Variants in ARHGAP35 observed in about 807,000 individuals in gnomAD.
The protein encoded by ARHGAP35 is Rho GTPase activating protein 35, also known as rho GTPase-activating protein 35.
A neutral mutation model predicts 111.1 loss-of-function variants in ARHGAP35; 15 were observed. The ratio of observed to expected loss-of-function variants is 0.13; its 90% confidence interval spans 0.09 to 0.21. ARHGAP35 has a LOEUF of 0.21. Among genes scored for constraint, ARHGAP35 ranks in the 10% least tolerant of loss-of-function variants. The probability of loss-of-function intolerance (pLI) is 1.00; values close to 1 mark genes in which losing one functional copy is unlikely to be tolerated. For synonymous variants in ARHGAP35, 643 were observed against 710.3 expected, an observed-to-expected ratio of 0.91 and a Z score of 1.51; for missense variants, 1,262 against 1,873.0, an observed-to-expected ratio of 0.67 and a Z score of 6.02.
chr19:46,987,902 CT>C, intron 3 of ARHGAP35, 86 bp from the exon 4 acceptor site: 1 of 1,361,712 alleles, frequency 7.3e-7, no homozygotes, highest in South Asian at 1.3e-5. Flanking sequence ...TGGACTTTCC[CT>C]GGCTTTCTCC....
At chr19:46,998,149 C>A (rs1166022710) in intron 5 of ARHGAP35, among the ~76,000 whole-genome samples, 1 of 152,034 alleles carries the variant, frequency 6.6e-6, no homozygotes, top group Non-Finnish European at 1.5e-5. Flanking sequence ...TTCAGGGAGT[C>A]CGCACCCCTC....
At chr19:46,862,725 A>G (rs1204394667) in intron 1 of ARHGAP35, among the ~76,000 whole-genome samples, 1 of 151,834 alleles carries the variant, frequency 6.6e-6, no homozygotes, top group Non-Finnish European at 1.5e-5. Flanking sequence ...GCGGTCCTTT[A>G]ACACTGGGGT....
In ARHGAP35 at chr19:46,934,072, C is replaced by T. The variant is rs115288693; in HGVS notation, c.3682-3192C>T. On this transcript the variant is annotated intron_variant, in intron 2 of 6. Coordinates refer to ENST00000672722, the MANE Select transcript of ARHGAP35 (RefSeq NM_004491.5). ...CCTTCACAGCGGTTTATTTGGAAGCCTGTTTTATTGAACAGTGCTGTTAGT... is the reference window on the plus strand; with the variant it reads ...CCTTCACAGCGGTTTATTTGGAAGCTTGTTTTATTGAACAGTGCTGTTAGT... Among the ~76,000 whole-genome samples the T allele has an allele frequency of 5.8e-3, 887 of 152,200 alleles. 7 individuals carry two copies. The highest frequency in any genetic ancestry group is 0.017 in the African/African-American group (709 of 41,522).
rs556873688 is a variant in ARHGAP35 at position 46,926,784 on chromosome 19, C to A, written c.3681+4428C>A. ...ACCAGTTTGACAGTTTGTGTCCCCC[C>A]CTAGTGAATTGGCTTATTTCATTGG... On this transcript the variant is annotated intron_variant, in intron 2 of 6. Transcript: ENST00000672722. This position sits in a 1 kb window ranked among gnomAD's most constrained non-coding sequence, Gnocchi z 4.1. Among the ~76,000 whole-genome samples, 12 of 152,288 alleles carry A rather than the reference C, an allele frequency of 7.9e-5. No homozygotes were observed. Among genetic ancestry groups the A allele is most frequent in the Non-Finnish European group, 1.3e-4 (9 of 68,022 alleles).
At chr19:46,902,465 G>A (rs1403902962) in intron 1 of ARHGAP35, among the ~76,000 whole-genome samples, 1 of 152,164 alleles carries the variant, frequency 6.6e-6, no homozygotes, top group Non-Finnish European at 1.5e-5. Flanking sequence ...GTTTGGGTTA[G>A]GGGAGCGGAG....
In ARHGAP35 at chr19:46,949,679, A is replaced by T. The variant is rs144092635; in HGVS notation, c.3826+12271A>T. ...TTTGCCAGGCAGGAGTAGCTGGCCA[A>T]CCATAGGCAAGACACCTAAACTTTC... On this transcript the variant is annotated intron_variant, in intron 3 of 6. Coordinates refer to ENST00000672722, the MANE Select transcript of ARHGAP35 (RefSeq NM_004491.5). Among the ~76,000 whole-genome samples, 9 of 152,360 alleles carry T rather than the reference A, an allele frequency of 5.9e-5. No individual in the cohort carries two copies. In the East Asian group the frequency reaches 1.7e-3, roughly 29 times the overall value.
At chr19:46,893,886 CTTTTTTT>C (rs75930765) in intron 1 of ARHGAP35, among the ~76,000 whole-genome samples, 4 of 122,380 alleles carry the variant, frequency 3.3e-5, no homozygotes, top group Admixed American at 1.7e-4. Flanking sequence ...CGTTCTTTCT[CTTTTTTT>C]TTTTTTTTTT....
At chr19:46,864,738 T>G (rs1387325960) in intron 1 of ARHGAP35, among the ~76,000 whole-genome samples, 1 of 152,246 alleles carries the variant, frequency 6.6e-6, no homozygotes, top group African/African-American at 2.4e-5. Context: ...TCACCATTAT[T>G]GACTTAAAGA....
At chr19:46,960,625 T>A (rs2056475069) in intron 3 of ARHGAP35, among the ~76,000 whole-genome samples, 1 of 152,190 alleles carries the variant, frequency 6.6e-6, no homozygotes, top group African/African-American at 2.4e-5. Flanking sequence ...AATTGTAGAA[T>A]CGTTAGAAGT....
At chr19:46,907,364 A>G (rs1234427106) in intron 1 of ARHGAP35, among the ~76,000 whole-genome samples, 2 of 151,744 alleles carry the variant, frequency 1.3e-5, no homozygotes, top group African/African-American at 4.8e-5. Context: ...GTTAGCCAGG[A>G]TGGTCTCGAT....
intron 5 of ARHGAP35, among the ~76,000 whole-genome samples, chr19:46,996,856 G>A (rs1391310036): frequency 6.6e-6 from 1 of 152,188 alleles, no homozygotes; most frequent in East Asian, 1.9e-4. Flanking sequence ...ACTCAAGGTC[G>A]TAGAAAAGAG....
chr19:46,884,732 C>T (rs2055984489), intron 1 of ARHGAP35, among the ~76,000 whole-genome samples: 1 of 151,902 alleles, frequency 6.6e-6, no homozygotes, highest in Non-Finnish European at 1.5e-5. Flanking sequence ...AGCAATTCCC[C>T]CGCGTAGGCC....
rs766115509 is a variant in ARHGAP35 at position 46,922,231 on chromosome 19, A to G, written c.3556A>G (p.Ile1186Val). ...SVGSDDELGP[I>V]RKKEEDQASQ... ...GGGGAGTGATGATGAGCTGGGGCCCATCCGGAAGAAAGAGGAGGATCAGGC... is the reference window on the plus strand; with the variant it reads ...GGGGAGTGATGATGAGCTGGGGCCCGTCCGGAAGAAAGAGGAGGATCAGGC... The change falls in exon 2 of 7, where the codon ATC (isoleucine) becomes GTC (valine). Residue 1186 changes from isoleucine (I) to valine (V), a missense_variant. This residue lies in a region of ARHGAP35 where 579 missense variants were observed against 716.9 expected (regional missense o/e 0.81). Coordinates refer to ENST00000672722, the MANE Select transcript of ARHGAP35 (RefSeq NM_004491.5). This position sits in a 1 kb window ranked among gnomAD's most constrained non-coding sequence, Gnocchi z 4.0. 6 of 1,613,958 alleles carry G rather than the reference A, an allele frequency of 3.7e-6. No homozygotes were observed. The highest frequency in any genetic ancestry group is 5.1e-6 in the Non-Finnish European group (6 of 1,179,866).
intron 1 of ARHGAP35, among the ~76,000 whole-genome samples, chr19:46,916,312 C>A (rs1300452828): frequency 6.6e-6 from 1 of 152,046 alleles, no homozygotes; most frequent in African/African-American, 2.4e-5. Flanking sequence ...TTTCCCCACA[C>A]ACACTTTGTT....
intron 3 of ARHGAP35, among the ~76,000 whole-genome samples, chr19:46,968,168 C>T (rs1049919329): frequency 3.3e-5 from 5 of 152,150 alleles, no homozygotes. Flanking sequence ...GTGGTGGAAA[C>T]GTGGAATTGT....
At position 46,918,517 on chromosome 19, in the gene ARHGAP35, G is replaced by A. The variant is rs1030137809; in HGVS notation, c.-159G>A. On this transcript the variant is annotated 5_prime_UTR_variant, in exon 2 of 7. Coordinates refer to ENST00000672722, the MANE Select transcript of ARHGAP35 (RefSeq NM_004491.5). The surrounding 1 kb of genome is among the most constrained non-coding windows in gnomAD (Gnocchi z 5.4). ...AAATGTTGGCTATTTGGCGATGAGA[G>A]GTGGTGAACAGTGACCATACTGGTA... 6.6e-6 allele frequency among the ~76,000 whole-genome samples: 1 copy of A among 152,082 alleles called. No homozygotes were observed. Among genetic ancestry groups the A allele is most frequent in the Non-Finnish European group, 1.5e-5 (1 of 68,024 alleles).
chr19:46,930,483 C>CA (rs547602106), intron 2 of ARHGAP35, among the ~76,000 whole-genome samples: 1 of 136,410 alleles, frequency 7.3e-6, no homozygotes, highest in African/African-American at 2.7e-5. Flanking sequence ...AAAAAAAAGA[C>CA]AAAAAAAGGC....
At chr19:46,982,039 TG>T (rs1406731460) in intron 3 of ARHGAP35, among the ~76,000 whole-genome samples, 3 of 152,108 alleles carry the variant, frequency 2.0e-5, no homozygotes, top group Non-Finnish European at 2.9e-5. Flanking sequence ...CTTGTAGAGA[TG>T]GAGTCTTGCT....
In ARHGAP35 at chr19:46,921,288, T is replaced by C. The variant is rs369352248; in HGVS notation, c.2613T>C (p.Arg871=). 1.5e-4 allele frequency: 250 copies of C among 1,613,916 alleles called. 2 individuals are homozygous for C. The highest frequency in any genetic ancestry group is 2.0e-4 in the Non-Finnish European group (234 of 1,179,904). ...AKRKASLAML[R]AFLCEVQDII... ...GTAAGGCCTCTTTGGCTATGTTACG[T>C]GCCTTTCTTTGTGAAGTGCAGGATA... Residue 871 remains arginine (R), a synonymous_variant, in exon 2 of 7, where the codon CGT becomes CGC. Coordinates refer to ENST00000672722, the MANE Select transcript of ARHGAP35 (RefSeq NM_004491.5). This position sits in a 1 kb window ranked among gnomAD's most constrained non-coding sequence, Gnocchi z 4.3.
Sources: gnomAD v4.1 joint callset for allele counts (sites outside exome capture counted in the v4.1 genomes callset) on GRCh38, gnomAD v4.1.1 for gene constraint, gnomAD v4.1.1 regional missense constraint, Gnocchi (gnomAD v3.1) non-coding constraint, MANE v1.5 for transcripts, NCBI Gene and HGNC (gene_info 2026-07-23, HGNC 2026-07-21) for gene names.